Variants in ZNF804B observed in about 807,000 individuals in gnomAD.
The protein encoded by ZNF804B is zinc finger protein 804B.
ZNF804B carries 80 observed loss-of-function variants against 101.4 expected under a neutral mutation model. The ratio of observed to expected loss-of-function variants is 0.79; its 90% CI spans 0.66 to 0.95. ZNF804B has a LOEUF of 0.95. Ranked by LOEUF, ZNF804B falls within the 40% of genes least tolerant of loss-of-function variation. The pLI, the probability that ZNF804B is intolerant of heterozygous loss-of-function variation, is 0.00. For missense variants in ZNF804B, 1,673 were observed against 1,561.9 expected (o/e 1.07, Z -1.20); for synonymous variants, 622 against 558.8 (o/e 1.11, Z -1.59).
chr7:88,876,925 G>A (rs1444748781), intron 1 of ZNF804B, among the ~76,000 whole-genome samples: 1 of 130,542 alleles, frequency 7.7e-6, no homozygotes, highest in Non-Finnish European at 1.6e-5. Context: ...AAGTAATAAA[G>A]ACAAACATCA....
chr7:89,262,156 C>A (rs896660894), intron 2 of ZNF804B, among the ~76,000 whole-genome samples: 1 of 152,324 alleles, frequency 6.6e-6, no homozygotes, highest in African/African-American at 2.4e-5. Context: ...GTTGATTGAC[C>A]TGGAACCCTT....
intron 1 of ZNF804B, among the ~76,000 whole-genome samples, chr7:89,050,892 T>C (rs1789192956): frequency 6.6e-6 from 1 of 152,114 alleles, no homozygotes; most frequent in Non-Finnish European, 1.5e-5. Context: ...TTCCAAGTTA[T>C]AGCCAAACAA....
chr7:89,073,690 G>A (rs948676082), intron 1 of ZNF804B, among the ~76,000 whole-genome samples: 1 of 152,012 alleles, frequency 6.6e-6, no homozygotes, highest in African/African-American at 2.4e-5. Context: ...TGTGATATTT[G>A]TAGCATCAGA....
At chr7:89,263,363 C>A (rs1449018717) in intron 2 of ZNF804B, among the ~76,000 whole-genome samples, 1 of 151,988 alleles carries the variant, frequency 6.6e-6, no homozygotes, top group Non-Finnish European at 1.5e-5. Context: ...GGCTTTTTTC[C>A]GCTGCTTGTT....
intron 2 of ZNF804B, among the ~76,000 whole-genome samples, chr7:89,266,881 G>GTTTGTGTGTGTGTA (rs1301601454): frequency 6.6e-6 from 1 of 152,050 alleles, no homozygotes; most frequent in Non-Finnish European, 1.5e-5. Flanking sequence ...CTGTGTTTGT[G>GTTTGTGTGTGTGTA]TGTGTGTGTG....
intron 2 of ZNF804B, among the ~76,000 whole-genome samples, chr7:89,238,987 T>C (rs982205054): frequency 6.6e-6 from 1 of 152,190 alleles, no homozygotes; most frequent in Non-Finnish European, 1.5e-5. Flanking sequence ...ACTCTTAATA[T>C]CTATGATTTT....
chr7:88,762,404 C>T (rs1789911672), intron 1 of ZNF804B, among the ~76,000 whole-genome samples: 1 of 152,190 alleles, frequency 6.6e-6, no homozygotes, highest in Non-Finnish European at 1.5e-5. Flanking sequence ...TTACATAACA[C>T]TTAGCCTTTC....
intron 1 of ZNF804B, among the ~76,000 whole-genome samples, chr7:89,127,926 A>G (rs1373617255): frequency 2.6e-5 from 4 of 151,708 alleles, no homozygotes; most frequent in African/African-American, 9.7e-5. Flanking sequence ...TAAAAACTTC[A>G]GGATTTTTTT....
intron 1 of ZNF804B, among the ~76,000 whole-genome samples, chr7:89,177,716 A>G (rs1791342690): frequency 6.6e-6 from 1 of 152,154 alleles, no homozygotes; most frequent in African/African-American, 2.4e-5. Context: ...TGAATTCTCC[A>G]GCTATTATTG....
At chr7:89,196,682 A>G (rs568732137) in intron 1 of ZNF804B, among the ~76,000 whole-genome samples, 1 of 152,308 alleles carries the variant, frequency 6.6e-6, no homozygotes, top group Admixed American at 6.5e-5. Flanking sequence ...ATCAGAGTGA[A>G]CAGACAACCT....
chr7:89,182,443 C>T (rs1038369588), intron 1 of ZNF804B, among the ~76,000 whole-genome samples: 5 of 152,044 alleles, frequency 3.3e-5, no homozygotes, highest in Admixed American at 6.6e-5. Flanking sequence ...CTTGATAATC[C>T]CATGATAATA....
chr7:89,195,834 A>G (rs1788539625), intron 1 of ZNF804B, among the ~76,000 whole-genome samples: 1 of 151,912 alleles, frequency 6.6e-6, no homozygotes, highest in Admixed American at 6.6e-5. Flanking sequence ...ATACCTAGAA[A>G]TATAATTTAC....
chr7:89,132,340 A>G (rs1790566163), intron 1 of ZNF804B, among the ~76,000 whole-genome samples: 3 of 152,024 alleles, frequency 2.0e-5, no homozygotes, highest in African/African-American at 4.8e-5. Context: ...CAAAGACGCT[A>G]TCTTGAAGTG....
intron 1 of ZNF804B, among the ~76,000 whole-genome samples, chr7:88,786,012 T>C (rs1395463907): frequency 2.0e-5 from 3 of 152,150 alleles, no homozygotes; most frequent in Non-Finnish European, 4.4e-5. Flanking sequence ...GGGAGAAAGA[T>C]CCTGCATGCT....
intron 3 of ZNF804B, among the ~76,000 whole-genome samples, chr7:89,328,509 T>C (rs952107292): frequency 1.3e-5 from 2 of 151,962 alleles, no homozygotes; most frequent in South Asian, 4.2e-4. Flanking sequence ...TGGGGTCTTA[T>C]ACAACTCTAG....
intron 2 of ZNF804B, among the ~76,000 whole-genome samples, chr7:89,271,403 C>T (rs1018580805): frequency 2.0e-5 from 3 of 152,142 alleles, no homozygotes; most frequent in Non-Finnish European, 2.9e-5. Context: ...AGCCTTGCAT[C>T]CCAGGGATGA....
At position 89,292,869 on chromosome 7, in the gene ZNF804B, C is replaced by A. The variant is rs12056274; in HGVS notation, c.250-34475C>A. ...TTTTTTGTAACATCTGAAATAGCAT[C>A]AAAAAACCTAAAAACTCAGGAACAA... On this transcript the variant is annotated intron_variant, in intron 2 of 3. Coordinates refer to ENST00000333190, the MANE Select transcript of ZNF804B (RefSeq NM_181646.5). Among the ~76,000 whole-genome samples the A allele has an allele frequency of 1.2e-4, 18 of 151,802 alleles. No individual in the cohort carries two copies. In the East Asian group the frequency reaches 3.5e-3, roughly 29 times the overall value.
At chr7:89,309,466 A>G (rs1455270549) in intron 2 of ZNF804B, among the ~76,000 whole-genome samples, 1 of 152,032 alleles carries the variant, frequency 6.6e-6, no homozygotes, top group Non-Finnish European at 1.5e-5. Flanking sequence ...GATTTTAAAG[A>G]AGCAATATGC....
chr7:89,327,357 T>A lies in ZNF804B; in HGVS notation c.263T>A (p.Leu88Ter). ...TTCTTTTTCAAGAGACTGAAAGAAT[T>A]AAAGCAACGGGAATTTGCTCGAAAT... ...DHAHKQRLKELKQREFARNVA... is the reference protein window; with the variant it reads ...DHAHKQRLKE Residue 88 changes from leucine to a stop codon, truncating the protein, a stop_gained, in exon 3 of 4, where the codon TTA becomes TAA. Coordinates refer to ENST00000333190, the MANE Select transcript of ZNF804B (RefSeq NM_181646.5). LOFTEE classifies it high-confidence loss of function. The A allele has an allele frequency of 6.2e-7, 1 of 1,604,248 alleles. No individual in the cohort carries two copies.
Sources: allele counts gnomAD v4.1 joint callset (sites outside exome capture counted in the v4.1 genomes callset), GRCh38; gene constraint gnomAD v4.1.1; transcripts MANE v1.5; gene names NCBI Gene and HGNC (gene_info 2026-07-23, HGNC 2026-07-21).